TBL1X: variants seen among roughly 807,000 people sequenced by gnomAD.
TBL1X encodes F-box-like/WD repeat-containing protein TBL1X.
In TBL1X, 10 loss-of-function variants were observed where a neutral mutation model predicts 50.7. The ratio of observed to expected loss-of-function variants is 0.20; its 90% CI spans 0.12 to 0.33. The LOEUF is 0.33. Ranked by LOEUF, TBL1X falls within the 10% of genes least tolerant of loss-of-function variation. The pLI is 1.00. For synonymous variants in TBL1X, 190 were observed against 214.7 expected (o/e 0.88, Z 1.01); for missense variants, 340 against 504.4 (o/e 0.67, Z 3.12).
At chrX:9,604,407 C>CG (rs1426705288) in intron 2 of TBL1X, among the ~76,000 whole-genome samples, 7 of 110,633 alleles carry the variant, frequency 6.3e-5, no homozygotes, top group Non-Finnish European at 1.3e-4. Context: ...ACTTTCCCCC[C>CG]CTTTTTTTTT....
chrX:9,486,429 T>C (rs1435691601), intron 1 of TBL1X, among the ~76,000 whole-genome samples: 1 of 110,009 alleles, frequency 9.1e-6, no homozygotes, highest in African/African-American at 3.3e-5. Flanking sequence ...AGACGGTGTT[T>C]TGCCATGTTG....
At chrX:9,669,618 C>G (rs1169152513) in intron 5 of TBL1X, among the ~76,000 whole-genome samples, 1 of 111,576 alleles carries the variant, frequency 9.0e-6, no homozygotes, top group Non-Finnish European at 1.9e-5. Context: ...TGTGCCAAAA[C>G]TACAGATGAC....
intron 1 of TBL1X, among the ~76,000 whole-genome samples, chrX:9,468,904 T>C (rs913032217): frequency 1.8e-5 from 2 of 111,005 alleles, no homozygotes; most frequent in Non-Finnish European, 3.8e-5. Flanking sequence ...GCCTCAACCT[T>C]CTGGGCTTAA....
chrX:9,711,029 C>A (rs1161326411), intron 15 of TBL1X, among the ~76,000 whole-genome samples: 1 of 111,652 alleles, frequency 9.0e-6, no homozygotes, highest in Non-Finnish European at 1.9e-5. Context: ...AAAATATTTA[C>A]CATTTACGTC....
At chrX:9,657,215 T>A (rs1772783408) in intron 5 of TBL1X, among the ~76,000 whole-genome samples, 1 of 111,788 alleles carries the variant, frequency 8.9e-6, no homozygotes, top group Non-Finnish European at 1.9e-5. Context: ...AGGGAGTAGG[T>A]GTTTCCCTGC....
intron 2 of TBL1X, among the ~76,000 whole-genome samples, chrX:9,545,224 C>T (rs1265634651): frequency 9.1e-6 from 1 of 109,719 alleles, no homozygotes; most frequent in East Asian, 2.9e-4. Flanking sequence ...CCAGGCTGGT[C>T]CCCCCATTTT....
At chrX:9,483,012 T>C (rs2081891406) in intron 1 of TBL1X, among the ~76,000 whole-genome samples, 1 of 111,043 alleles carries the variant, frequency 9.0e-6, no homozygotes, top group Non-Finnish European at 1.9e-5. Flanking sequence ...ACAGTTTTGC[T>C]CCCAGGGGAC....
At position 9,583,217 on chromosome X, in the gene TBL1X, A is replaced by G. The variant is rs1052481024; in HGVS notation, c.-130-57056A>G. Among the ~76,000 whole-genome samples, 15 of 112,560 alleles carry G rather than the reference A, an allele frequency of 1.3e-4. No individual in the cohort carries two copies. In the East Asian group the frequency reaches 2.2e-3, roughly 17 times the overall value. On this transcript the variant is annotated intron_variant, in intron 2 of 17. Coordinates refer to ENST00000645353, the MANE Select transcript of TBL1X (RefSeq NM_005647.4). ...CTGTCCTCCAGGTTCTGGTGCCTGC[A>G]GGTGCCCCTTGGCCTGTGGCTGCAT...
At chrX:9,603,154 C>A (rs1457497982) in intron 2 of TBL1X, among the ~76,000 whole-genome samples, 3 of 111,914 alleles carry the variant, frequency 2.7e-5, no homozygotes, top group Non-Finnish European at 3.8e-5. Flanking sequence ...TTAATTAATT[C>A]TTCAGGAGGA....
intron 2 of TBL1X, among the ~76,000 whole-genome samples, chrX:9,632,599 A>C (rs1487779580): frequency 8.9e-6 from 1 of 112,036 alleles, no homozygotes; most frequent in African/African-American, 3.2e-5. Flanking sequence ...TGTTTTAAGT[A>C]ACATATTTTA....
At chrX:9,502,536 C>G (rs1391245518) in intron 2 of TBL1X, among the ~76,000 whole-genome samples, 1 of 112,189 alleles carries the variant, frequency 8.9e-6, no homozygotes, top group East Asian at 2.8e-4. Context: ...AACCTCTCCT[C>G]CAGAAACATG....
At chrX:9,499,063 GCGCT>G (rs1249512174) in intron 1 of TBL1X, among the ~76,000 whole-genome samples, 2 of 111,775 alleles carry the variant, frequency 1.8e-5, no homozygotes, top group Non-Finnish European at 3.8e-5. Context: ...CCCTGTGGAG[GCGCT>G]CATGGGTGAC....
At chrX:9,637,258 C>A (rs930112169) in intron 2 of TBL1X, 1 of 111,824 alleles carries the variant, frequency 8.9e-6, no homozygotes, top group Admixed American at 9.5e-5. Flanking sequence ...CCCCCAAGAA[C>A]ATCCTCAAAG....
At chrX:9,525,750 C>A (rs1444694029) in intron 2 of TBL1X, among the ~76,000 whole-genome samples, 2 of 111,863 alleles carry the variant, frequency 1.8e-5, no homozygotes, top group Non-Finnish European at 3.8e-5. Flanking sequence ...TAAAACAATA[C>A]CAACTTGGCC....
At chrX:9,535,552 A>C (rs1026893828) in intron 2 of TBL1X, among the ~76,000 whole-genome samples, 1 of 112,597 alleles carries the variant, frequency 8.9e-6, no homozygotes, top group Non-Finnish European at 1.9e-5. Flanking sequence ...GAGAGTCAGC[A>C]CAAACTTCTA....
intron 2 of TBL1X, among the ~76,000 whole-genome samples, chrX:9,532,694 C>T (rs914340085): frequency 1.8e-5 from 2 of 111,336 alleles, no homozygotes; most frequent in African/African-American, 6.5e-5. Context: ...GGCCTCTCTC[C>T]TGGGCTTGTA....
intron 2 of TBL1X, among the ~76,000 whole-genome samples, chrX:9,526,181 G>GA (rs747604160): frequency 7.5e-5 from 8 of 106,452 alleles, no homozygotes; most frequent in South Asian, 4.1e-4. Context: ...GAGAGAGAGA[G>GA]AAAAAAAAAC....
chrX:9,571,733 C>A (rs1433539648), intron 2 of TBL1X, among the ~76,000 whole-genome samples: 2 of 111,631 alleles, frequency 1.8e-5, no homozygotes, highest in African/African-American at 6.5e-5. Flanking sequence ...ATGAGCTTTC[C>A]ATTCCTTCTC....
intron 1 of TBL1X, 145 bp downstream of exon 1, chrX:9,465,592 G>C (rs1265980487): frequency 8.9e-6 from 1 of 112,499 alleles, no homozygotes. Context: ...GTAGGTGCAG[G>C]TCGCCAACTG....
Sources: gnomAD v4.1 joint callset for allele counts (sites outside exome capture counted in the v4.1 genomes callset) on GRCh38, gnomAD v4.1.1 for gene constraint, MANE v1.5 for transcripts, NCBI Gene and HGNC (gene_info 2026-07-23, HGNC 2026-07-21) for gene names.